Variants in SOBP observed in about 807,000 individuals in gnomAD.
SOBP encodes the protein sine oculis-binding protein homolog.
Under a neutral mutation model 53.6 loss-of-function variants are expected in SOBP, and 4 were observed. That is an observed-to-expected ratio of 0.07 (90% CI 0.04 to 0.17). The LOEUF (loss-of-function observed/expected upper bound fraction) is 0.17. SOBP is among the 10% of genes least tolerant of loss of function. The pLI is 1.00. For synonymous variants in SOBP, 584 were observed against 522.6 expected, an observed-to-expected ratio of 1.12 and a Z score of -1.60; for missense variants, 1,088 against 1,204.7, an observed-to-expected ratio of 0.90 and a Z score of 1.43.
intron 5 of SOBP, among the ~76,000 whole-genome samples, chr6:107,616,049 A>G (rs1442521705): frequency 8.2e-5 from 10 of 121,546 alleles, no homozygotes; most frequent in South Asian, 6.2e-4. Flanking sequence ...AAAAAAAAGA[A>G]AAAAAAAGGA....
chr6:107,607,314 AAC>A (rs1335187602), intron 5 of SOBP, among the ~76,000 whole-genome samples: 5 of 152,186 alleles, frequency 3.3e-5, no homozygotes, highest in Admixed American at 3.3e-4. Context: ...AGTGGACAGT[AAC>A]TTAAAGGATC....
At chr6:107,566,864 A>G (rs1784932993) in intron 4 of SOBP, among the ~76,000 whole-genome samples, 1 of 152,166 alleles carries the variant, frequency 6.6e-6, no homozygotes, top group South Asian at 2.1e-4. Flanking sequence ...CACCTTCTCT[A>G]GTAGCTGCCC....
chr6:107,642,584 C>G (rs1424751942), intron 6 of SOBP, among the ~76,000 whole-genome samples: 1 of 152,198 alleles, frequency 6.6e-6, no homozygotes, highest in Non-Finnish European at 1.5e-5. Flanking sequence ...GGGGGCAGAG[C>G]AGACCTGGCT....
chr6:107,502,255 A>G (rs547831291), intron 1 of SOBP, among the ~76,000 whole-genome samples: 1 of 152,316 alleles, frequency 6.6e-6, no homozygotes, highest in African/African-American at 2.4e-5. Context: ...TATATAAATT[A>G]TATATTGTAG....
rs1452983333 is a variant in SOBP at position 107,654,785 on chromosome 6, G to A, written c.*4-3422G>A. 2.6e-5 allele frequency among the ~76,000 whole-genome samples: 4 copies of A among 151,126 alleles called. 1 individual carries two copies. In the East Asian group the frequency reaches 5.9e-4, roughly 22 times the overall value. On this transcript the variant is annotated intron_variant, in intron 6 of 6. Coordinates refer to ENST00000317357, the MANE Select transcript of SOBP (RefSeq NM_018013.4). ...AGGAGGAATCAGGGCTCTGAGGGAG[G>A]GTGGCTGAGGAACATGGAGGAGGAA...
intron 4 of SOBP, among the ~76,000 whole-genome samples, chr6:107,581,368 C>A (rs2115052160): frequency 6.6e-6 from 1 of 152,194 alleles, no homozygotes; most frequent in Non-Finnish European, 1.5e-5. Flanking sequence ...ACAGGAGACC[C>A]AGTTGAAGGG....
chr6:107,514,252 T>C (rs909413111), intron 3 of SOBP: 1 of 152,208 alleles, frequency 6.6e-6, no homozygotes, highest in African/African-American at 2.4e-5. Flanking sequence ...ATGTATGATA[T>C]AATTTTAGTT....
intron 1 of SOBP, among the ~76,000 whole-genome samples, chr6:107,500,378 T>TA (rs752236655): frequency 0.032 from 3,628 of 112,144 alleles, 140 homozygotes; most frequent in African/African-American, 0.095. Flanking sequence ...AGACCCTGTC[T>TA]AAAAAAAAAA....
At chr6:107,591,435 T>C (rs1200157879) in intron 5 of SOBP, among the ~76,000 whole-genome samples, 2 of 152,194 alleles carry the variant, frequency 1.3e-5, no homozygotes, top group Non-Finnish European at 2.9e-5. Context: ...TGTTTCTGTA[T>C]GCAGTCATTA....
chr6:107,493,561 A>T (rs1782629933), intron 1 of SOBP, among the ~76,000 whole-genome samples: 1 of 152,232 alleles, frequency 6.6e-6, no homozygotes, highest in African/African-American at 2.4e-5. Context: ...TCAGGTTTCA[A>T]CACTGGTTGG....
At chr6:107,551,426 A>C (rs556567108) in intron 4 of SOBP, among the ~76,000 whole-genome samples, 1 of 152,332 alleles carries the variant, frequency 6.6e-6, no homozygotes, top group South Asian at 2.1e-4. Flanking sequence ...GCACACACAC[A>C]CAAACTCATA....
chr6:107,581,138 G>C (rs1233541080), intron 4 of SOBP, among the ~76,000 whole-genome samples: 1 of 152,234 alleles, frequency 6.6e-6, no homozygotes, highest in East Asian at 1.9e-4. Context: ...ATTAGTGGGA[G>C]AGGCAGACAC....
chr6:107,551,685 T>C (rs376498675), intron 4 of SOBP, among the ~76,000 whole-genome samples: 4 of 152,240 alleles, frequency 2.6e-5, no homozygotes, highest in African/African-American at 7.2e-5. Flanking sequence ...TATTTTCCTG[T>C]GTGATCCACT....
At chr6:107,599,525 C>G (rs1786073601) in intron 5 of SOBP, among the ~76,000 whole-genome samples, 2 of 149,476 alleles carry the variant, frequency 1.3e-5, no homozygotes, top group East Asian at 4.0e-4. Context: ...TAAATATTTT[C>G]AAGATCTTCA....
intron 5 of SOBP, among the ~76,000 whole-genome samples, chr6:107,632,107 TTAATTA>T (rs1460900492): frequency 7.9e-5 from 12 of 152,310 alleles, no homozygotes; most frequent in Admixed American, 2.0e-4. Context: ...TTATCATCTT[TTAATTA>T]TATCAGTTTA....
At chr6:107,626,598 A>G (rs546808343) in intron 5 of SOBP, among the ~76,000 whole-genome samples, 1 of 152,284 alleles carries the variant, frequency 6.6e-6, no homozygotes, top group South Asian at 2.1e-4. Context: ...CACCTCACCC[A>G]TGATGGGCCC....
intron 5 of SOBP, among the ~76,000 whole-genome samples, chr6:107,624,332 G>C (rs534220458): frequency 5.3e-5 from 8 of 152,170 alleles, no homozygotes; most frequent in Non-Finnish European, 1.2e-4. Context: ...AGTGGCAGCT[G>C]GTCTCACTAG....
At chr6:107,520,300 C>A (rs1382546364) in intron 3 of SOBP, among the ~76,000 whole-genome samples, 1 of 152,194 alleles carries the variant, frequency 6.6e-6, no homozygotes, top group Non-Finnish European at 1.5e-5. Context: ...GTGAGAGCTT[C>A]AGAATGCTAG....
chr6:107,654,908 G>A (rs902218535), intron 6 of SOBP, among the ~76,000 whole-genome samples: 3 of 150,550 alleles, frequency 2.0e-5, no homozygotes, highest in Non-Finnish European at 4.4e-5. Flanking sequence ...GAGGCTCTGA[G>A]GGAGGGTGGG....
Sources: allele counts gnomAD v4.1 joint callset (sites outside exome capture counted in the v4.1 genomes callset), GRCh38; gene constraint gnomAD v4.1.1; transcripts MANE v1.5; gene names NCBI Gene and HGNC (gene_info 2026-07-23, HGNC 2026-07-21).